Variants in C11orf65 observed in about 807,000 individuals in gnomAD.
C11orf65 encodes chromosome 11 open reading frame 65.
Under a neutral mutation model 35.3 loss-of-function variants are expected in C11orf65, and 38 were observed. That is an observed-to-expected ratio of 1.08 (90% confidence interval 0.83 to 1.41). C11orf65 has a LOEUF of 1.41. C11orf65 is among the 40% of genes most tolerant of loss of function. C11orf65 has a pLI of 0.00. For missense variants in C11orf65, 370 were observed against 367.1 expected, an observed-to-expected ratio of 1.01 and a Z score of -0.06; for synonymous variants, 105 against 114.4, an observed-to-expected ratio of 0.92 and a Z score of 0.53.
At chr11:108,450,402 A>C (rs2093329920) in intron 2 of C11orf65, among the ~76,000 whole-genome samples, 1 of 151,892 alleles carries the variant, frequency 6.6e-6, no homozygotes. Flanking sequence ...AGACTGGATT[A>C]AGAAAATGTG....
In C11orf65 at chr11:108,423,291, G is replaced by A. The variant is rs186962907; in HGVS notation, c.174+8455C>T. Among the ~76,000 whole-genome samples, 379 of 152,260 alleles carry A rather than the reference G, an allele frequency of 2.5e-3. 2 individuals are homozygous for A. The highest frequency in any genetic ancestry group is 8.7e-3 in the African/African-American group (362 of 41,548). On this transcript the variant is annotated intron_variant, in intron 3 of 8. Coordinates refer to ENST00000393084, the MANE Select transcript of C11orf65 (RefSeq NM_152587.5). ...AGGGAGCCAAGTGGTCTAGCTCAGC[G>A]GATCCCACCCCCATGGAGCCCAGCA...
intron 6 of C11orf65, among the ~76,000 whole-genome samples, chr11:108,310,486 C>T (rs973723897): frequency 1.3e-5 from 2 of 151,942 alleles, no homozygotes; most frequent in African/African-American, 4.8e-5. Flanking sequence ...ATATGTAATT[C>T]CTGTTCTGAA....
intron 2 of C11orf65, among the ~76,000 whole-genome samples, chr11:108,358,492 G>A (rs2090313022): frequency 6.7e-6 from 1 of 149,764 alleles, no homozygotes; most frequent in African/African-American, 2.5e-5. Flanking sequence ...ACACATAATT[G>A]TCAGATTCAC....
At chr11:108,403,669 T>G (rs914563655) in intron 6 of C11orf65, among the ~76,000 whole-genome samples, 1 of 152,206 alleles carries the variant, frequency 6.6e-6, no homozygotes, top group Non-Finnish European at 1.5e-5. Context: ...TAATCTCTTT[T>G]CAGTTAATTT....
At chr11:108,364,057 C>T (rs985284375) in intron 2 of C11orf65, among the ~76,000 whole-genome samples, 11 of 152,218 alleles carry the variant, frequency 7.2e-5, no homozygotes, top group Non-Finnish European at 1.5e-4. Flanking sequence ...TCAGTTTCTC[C>T]ACAGTATTTA....
chr11:108,459,182 T>C (rs888305031), intron 2 of C11orf65, among the ~76,000 whole-genome samples: 27 of 152,224 alleles, frequency 1.8e-4, no homozygotes, highest in African/African-American at 4.8e-4. Flanking sequence ...AGGGTTTCAC[T>C]GTGGAATGCC....
intron 6 of C11orf65, chr11:108,319,967 G>C: frequency 6.2e-7 from 1 of 1,610,558 alleles, no homozygotes; most frequent in Non-Finnish European, 8.5e-7. Flanking sequence ...AGAAGTAGAA[G>C]GAACCAGTTA....
At chr11:108,438,768 G>A (rs2093106001) in intron 2 of C11orf65, among the ~76,000 whole-genome samples, 1 of 151,922 alleles carries the variant, frequency 6.6e-6, no homozygotes, top group Admixed American at 6.6e-5. Context: ...CACTTTGGGA[G>A]GCCAAGGCGG....
intron 2 of C11orf65, chr11:108,335,357 T>C (rs989425607): frequency 7.2e-6 from 9 of 1,243,232 alleles, no homozygotes; most frequent in Non-Finnish European, 9.7e-6. Flanking sequence ...TGTACAGACA[T>C]GTACAGTGAG....
At chr11:108,357,138 G>T (rs372707035) in intron 2 of C11orf65, among the ~76,000 whole-genome samples, 2 of 152,358 alleles carry the variant, frequency 1.3e-5, no homozygotes, top group African/African-American at 4.8e-5. Flanking sequence ...CTTGGGAAGC[G>T]CAAGGGTCAG....
rs1172558745 is a variant in C11orf65 at position 108,365,578 on chromosome 11, C to T, written c.226+27630G>A. The T allele has an allele frequency of 2.0e-6, 3 of 1,517,860 alleles. No homozygotes were observed. The South Asian group carries it at 3.6e-5, about 18-fold the overall frequency. The allele number at this position is 1,517,860 out of a possible 1,614,324, so 94.0% of individuals were successfully genotyped here. ...TATTTTAGCCTTTATTTTTAACCTG[C>T]CAACATACTTTAAGTAGGGATTAAT... On this transcript the variant is annotated intron_variant, in intron 2 of 3. Transcript: ENST00000524755.
intron 3 of C11orf65, among the ~76,000 whole-genome samples, chr11:108,411,140 C>A (rs2092648773): frequency 6.6e-6 from 1 of 152,090 alleles, no homozygotes. Context: ...TCTGTCTGAG[C>A]TCTACTTTAG....
chr11:108,419,721 C>T (rs1262442592), intron 3 of C11orf65, among the ~76,000 whole-genome samples: 1 of 152,078 alleles, frequency 6.6e-6, no homozygotes, highest in African/African-American at 2.4e-5. Context: ...AATCAAAAAA[C>T]TCTTTTAGTT....
intron 6 of C11orf65, chr11:108,325,939 T>A: frequency 8.0e-7 from 1 of 1,250,752 alleles, no homozygotes. Context: ...CTTAAGATAG[T>A]CCCTGACAAG....
intron 6 of C11orf65, among the ~76,000 whole-genome samples, chr11:108,311,142 A>G (rs1591752082): frequency 6.6e-6 from 1 of 151,806 alleles, no homozygotes; most frequent in Admixed American, 6.6e-5. Flanking sequence ...CATTTTTTTT[A>G]ATTTTTATTT....
chr11:108,354,070 AACACAC>A (rs71047689), intron 2 of C11orf65, among the ~76,000 whole-genome samples: 368 of 114,948 alleles, frequency 3.2e-3, no homozygotes, highest in African/African-American at 9.3e-3. Flanking sequence ...CACACACACA[AACACAC>A]ACACACACAC....
intron 2 of C11orf65, among the ~76,000 whole-genome samples, chr11:108,442,194 C>G (rs2093165324): frequency 6.6e-6 from 1 of 151,922 alleles, no homozygotes; most frequent in Non-Finnish European, 1.5e-5. Context: ...AGCTTCAGTA[C>G]CCGATTCAAT....
At chr11:108,409,574 G>T (rs2092618443) in intron 3 of C11orf65, among the ~76,000 whole-genome samples, 1 of 152,106 alleles carries the variant, frequency 6.6e-6, no homozygotes, top group Non-Finnish European at 1.5e-5. Flanking sequence ...GGCAGTGGCA[G>T]CAAGCCACAG....
rs2092113389 is a variant in C11orf65, at chr11:108,390,002, TTTTA to T, written c.731+3202_731+3205del. ...AGCCACCTCGCCTGGCTGGTTTTTT[TTTTA>T]TTTATTTTATTTTTTATTTATTTAT... On this transcript the variant is annotated intron_variant, in intron 7 of 8. Transcript: ENST00000393084. Among the ~76,000 whole-genome samples the T allele has an allele frequency of 7.0e-5, 10 of 143,804 alleles. 1 individual carries two copies. Among genetic ancestry groups the T allele is most frequent in the South Asian group, 6.7e-4 (3 of 4,494 alleles). 94.3% of individuals were successfully genotyped at this position (143,804 alleles called of 152,430 possible).
Sources: allele counts gnomAD v4.1 joint callset (sites outside exome capture counted in the v4.1 genomes callset), GRCh38; gene constraint gnomAD v4.1.1; transcripts MANE v1.5; gene names NCBI Gene and HGNC (gene_info 2026-07-23, HGNC 2026-07-21).